RALGPS1: variants seen among roughly 807,000 people sequenced by gnomAD.
RALGPS1 encodes ras-specific guanine nucleotide-releasing factor RalGPS1.
A neutral mutation model predicts 78.8 loss-of-function variants in RALGPS1; 19 were observed. The ratio of observed to expected loss-of-function variants is 0.24; its 90% CI spans 0.17 to 0.35. The LOEUF (loss-of-function observed/expected upper bound fraction) is 0.35, where lower values mean the gene tolerates loss of function less well. RALGPS1 is among the 10% of genes least tolerant of loss of function. The pLI is 1.00. For synonymous variants in RALGPS1, 228 were observed against 256.3 expected, an observed-to-expected ratio of 0.89 and a Z score of 1.06; for missense variants, 454 against 688.3, an observed-to-expected ratio of 0.66 and a Z score of 3.81.
At chr9:127,167,850 C>G (rs2059371731) in intron 9 of RALGPS1, among the ~76,000 whole-genome samples, 1 of 152,218 alleles carries the variant, frequency 6.6e-6, no homozygotes, top group Admixed American at 6.5e-5. Context: ...CTTGTTCTGT[C>G]CCACCCAGTG....
At chr9:127,174,855 CG>C in intron 11 of RALGPS1, 73 bp downstream of exon 11, 1 of 1,401,364 alleles carries the variant, frequency 7.1e-7, no homozygotes. Flanking sequence ...TGGCCTTGAC[CG>C]GGGAGGCCAA....
At position 127,145,184 on chromosome 9, in the gene RALGPS1, T is replaced by G. The variant is rs190612935; in HGVS notation, c.611-20885T>G. ...GCTGGAGGGAGGACCAGCTTGACTT[T>G]CAGTGTCTACAAGAGGACAGCTGCT... On this transcript the variant is annotated intron_variant, in intron 8 of 18. Coordinates refer to ENST00000259351, the MANE Select transcript of RALGPS1 (RefSeq NM_014636.3). Among the ~76,000 whole-genome samples, 5 of 152,306 alleles carry G rather than the reference T, an allele frequency of 3.3e-5. No individual in the cohort carries two copies. The East Asian group carries it at 9.7e-4, about 29-fold the overall frequency.
intron 3 of RALGPS1, 87 bp downstream of exon 3, chr9:126,966,038 G>C: frequency 1.1e-6 from 1 of 950,596 alleles, no homozygotes; most frequent in Non-Finnish European, 1.7e-6. Context: ...GCTCAGATTG[G>C]AAACATTCTA....
intron 7 of RALGPS1, among the ~76,000 whole-genome samples, chr9:127,057,613 A>G (rs1313413177): frequency 6.6e-6 from 1 of 152,234 alleles, no homozygotes; most frequent in Non-Finnish European, 1.5e-5. Context: ...ATGGGTAATG[A>G]TTTATCCCAG....
At chr9:127,018,673 TAATA>T (rs1461700697) in intron 4 of RALGPS1, among the ~76,000 whole-genome samples, 1 of 150,558 alleles carries the variant, frequency 6.6e-6, no homozygotes, top group African/African-American at 2.4e-5. Context: ...ATAATAATAA[TAATA>T]ATAACGATGA....
At chr9:127,113,055 C>A (rs1243603095) in intron 8 of RALGPS1, among the ~76,000 whole-genome samples, 1 of 152,174 alleles carries the variant, frequency 6.6e-6, no homozygotes. Context: ...ACTGTTACAC[C>A]TCTGTGGGGC....
intron 5 of RALGPS1, among the ~76,000 whole-genome samples, chr9:127,048,621 G>A (rs185507397): frequency 2.0e-4 from 31 of 152,256 alleles, no homozygotes; most frequent in Non-Finnish European, 3.1e-4. Context: ...TCCATGTTCC[G>A]TAATATGCCA....
chr9:126,924,461 T>A (rs562420958), intron 1 of RALGPS1, among the ~76,000 whole-genome samples: 8 of 152,316 alleles, frequency 5.3e-5, no homozygotes, highest in African/African-American at 1.9e-4. Flanking sequence ...TAGTACTTGT[T>A]GAACAGAGAA....
At chr9:127,193,075 A>G (rs2061159280) in intron 11 of RALGPS1, among the ~76,000 whole-genome samples, 1 of 152,244 alleles carries the variant, frequency 6.6e-6, no homozygotes, top group Non-Finnish European at 1.5e-5. Context: ...TTACAGGGAA[A>G]GAGAGACTAG....
chr9:127,108,129 C>T (rs1273521141), intron 8 of RALGPS1: 2 of 1,613,940 alleles, frequency 1.2e-6, no homozygotes, highest in Admixed American at 3.3e-5. Context: ...GGCAGTGCTC[C>T]TCAAGCTGCG....
intron 8 of RALGPS1, among the ~76,000 whole-genome samples, chr9:127,159,684 T>G (rs936792455): frequency 2.0e-5 from 3 of 152,226 alleles, no homozygotes; most frequent in Admixed American, 6.5e-5. Flanking sequence ...CTGGGCCGCC[T>G]GCTGAGATCT....
chr9:127,009,683 CTT>C (rs1324100514), intron 4 of RALGPS1, among the ~76,000 whole-genome samples: 1 of 152,134 alleles, frequency 6.6e-6, no homozygotes, highest in Non-Finnish European at 1.5e-5. Context: ...GTTTGCCTCA[CTT>C]TTTTGAATCT....
intron 4 of RALGPS1, among the ~76,000 whole-genome samples, chr9:126,981,712 G>A (rs2041260618): frequency 1.3e-5 from 2 of 152,172 alleles, no homozygotes; most frequent in Admixed American, 1.3e-4. Context: ...GGAAGCTAGA[G>A]CTCAGACATG....
intron 4 of RALGPS1, among the ~76,000 whole-genome samples, chr9:126,997,351 A>G (rs924279734): frequency 7.2e-5 from 11 of 152,210 alleles, no homozygotes; most frequent in African/African-American, 9.6e-5. Context: ...AAATCAATGT[A>G]CAAAAATCAC....
In RALGPS1 at chr9:127,131,767, G is replaced by A. The variant is rs2057020771; in HGVS notation, c.611-34302G>A. On this transcript the variant is annotated intron_variant, in intron 8 of 18. Transcript: ENST00000259351. ...TCCTGTTTATGTCCAGAACTATTGT[G>A]AAGGTTCCTGGAGGTGTGTGCTTGA... Among the ~76,000 whole-genome samples the A allele has an allele frequency of 2.6e-5, 4 of 152,198 alleles. No individual in the cohort carries two copies. In the South Asian group the frequency reaches 8.3e-4, roughly 32 times the overall value.
intron 1 of RALGPS1, among the ~76,000 whole-genome samples, chr9:126,920,056 C>A (rs556114234): frequency 1.6e-4 from 25 of 152,240 alleles, no homozygotes; most frequent in Non-Finnish European, 3.1e-4. Context: ...GAGCACACAT[C>A]ATGTTATTGC....
chr9:127,006,899 G>T (rs1306508624), intron 4 of RALGPS1, among the ~76,000 whole-genome samples: 1 of 136,956 alleles, frequency 7.3e-6, no homozygotes, highest in Non-Finnish European at 1.7e-5. Flanking sequence ...TTCTTTTTAG[G>T]GTGTCGGTAT....
chr9:127,213,677 A>C (rs2062413431), intron 17 of RALGPS1: 1 of 152,712 alleles, frequency 6.5e-6, no homozygotes, highest in Non-Finnish European at 1.5e-5. Context: ...TGCCTGGGTC[A>C]GTTGGATTCC....
chr9:127,056,238 C>G (rs1263870668), intron 7 of RALGPS1, among the ~76,000 whole-genome samples: 1 of 152,138 alleles, frequency 6.6e-6, no homozygotes, highest in Non-Finnish European at 1.5e-5. Flanking sequence ...GAGAAACCTC[C>G]CTATTGTGTC....
Sources: gnomAD v4.1 joint callset for allele counts (sites outside exome capture counted in the v4.1 genomes callset) on GRCh38, gnomAD v4.1.1 for gene constraint, MANE v1.5 for transcripts, NCBI Gene and HGNC (gene_info 2026-07-23, HGNC 2026-07-21) for gene names.